The following ANO2 variants were observed in gnomAD, a reference collection of about 807,000 sequenced individuals.
ANO2 encodes the protein anoctamin 2, also known as anoctamin-2.
In ANO2, 101 loss-of-function variants were observed where a neutral mutation model predicts 124.2. That is an observed-to-expected ratio of 0.81 (90% CI 0.69 to 0.96). The LOEUF is 0.96. Ranked by LOEUF, ANO2 falls within the 40% of genes least tolerant of loss-of-function variation. The pLI, the probability that ANO2 is intolerant of heterozygous loss-of-function variation, is 0.00. For missense variants in ANO2, 1,293 were observed against 1,274.5 expected (o/e 1.01, Z -0.22); for synonymous variants, 486 against 482.5 (o/e 1.01, Z -0.09).
At chr12:5,651,398 G>A (rs1946908104) in intron 14 of ANO2, among the ~76,000 whole-genome samples, 1 of 150,746 alleles carries the variant, frequency 6.6e-6, no homozygotes, top group African/African-American at 2.4e-5. Context: ...TCCTTGAGTT[G>A]TTTTCTTCTT....
In ANO2 at chr12:5,635,446, T is replaced by C. The variant is rs1945964879; in HGVS notation, c.1621-99A>G. On this transcript the variant is annotated intron_variant, in intron 15 of 24. Transcript: ENST00000682330. This position sits in a 1 kb window ranked among gnomAD's most constrained non-coding sequence, Gnocchi z 5.2. ...TACCATTTGCTGTTATCAGATATTA[T>C]TAATCTGGAATCTTTTGTTGGGTAA... 6 of 951,444 alleles carry C rather than the reference T, an allele frequency of 6.3e-6. No homozygotes were observed. Among genetic ancestry groups the C allele is most frequent in the African/African-American group, 1.7e-5 (1 of 59,382 alleles). 58.9% of individuals were successfully genotyped at this position (951,444 alleles called of 1,614,324 possible).
chr12:5,883,502 G>GGTGTGTGTGTGT lies in ANO2; in HGVS notation c.535-29373_535-29362dup, dbSNP rs5796191. Among the ~76,000 whole-genome samples the GGTGTGTGTGTGT allele has an allele frequency of 7.2e-3, 1,047 of 144,674 alleles. 14 individuals are homozygous for GGTGTGTGTGTGT. The highest frequency in any genetic ancestry group is 0.026 in the African/African-American group (996 of 38,532). The allele number at this position is 144,674 out of a possible 152,430, so 94.9% of individuals were successfully genotyped here. On this transcript the variant is annotated intron_variant, in intron 3 of 24. Transcript: ENST00000682330. ...ATGTGTGCGTGTTTGACATTAGGGT[G>GGTGTGTGTGTGT]GTGTGTGTGTGTGTGTGTGTGTGTG...
chr12:5,568,917 G>A (rs1004462031), intron 23 of ANO2, among the ~76,000 whole-genome samples: 1 of 152,230 alleles, frequency 6.6e-6, no homozygotes, highest in Non-Finnish European at 1.5e-5. Flanking sequence ...TGAAGACGGA[G>A]GGTCAACGCC....
At chr12:5,644,196 T>C (rs1407772484) in intron 15 of ANO2, among the ~76,000 whole-genome samples, 2 of 152,246 alleles carry the variant, frequency 1.3e-5, no homozygotes, top group African/African-American at 4.8e-5. Flanking sequence ...TTGATGTTTT[T>C]GAGTGGTGTG....
chr12:5,715,901 C>A (rs890956300), intron 14 of ANO2, among the ~76,000 whole-genome samples: 4 of 152,122 alleles, frequency 2.6e-5, no homozygotes, highest in Non-Finnish European at 5.9e-5. Flanking sequence ...ACATGTTTAA[C>A]CATTGGGTAA....
At chr12:5,585,062 C>T (rs1290075608) in intron 20 of ANO2, among the ~76,000 whole-genome samples, 10 of 151,962 alleles carry the variant, frequency 6.6e-5, no homozygotes, top group Non-Finnish European at 1.0e-4. Flanking sequence ...AACAAAATGC[C>T]AGCATTAACA....
At chr12:5,633,560 A>G (rs1003500605) in intron 16 of ANO2, among the ~76,000 whole-genome samples, 2 of 151,350 alleles carry the variant, frequency 1.3e-5, no homozygotes, top group African/African-American at 4.8e-5. Context: ...CTGGCATTTT[A>G]GATTTTCCAT....
chr12:5,607,083 C>T (rs917600689), intron 19 of ANO2, among the ~76,000 whole-genome samples: 14 of 150,904 alleles, frequency 9.3e-5, no homozygotes, highest in African/African-American at 3.4e-4. Flanking sequence ...AAAAACAAAT[C>T]TGGCCTTTAA....
intron 3 of ANO2, among the ~76,000 whole-genome samples, chr12:5,906,382 C>T (rs976110751): frequency 1.3e-5 from 2 of 151,538 alleles, no homozygotes; most frequent in Non-Finnish European, 2.9e-5. Context: ...AAAAAAGAGG[C>T]CATCCATGGT....
intron 3 of ANO2, among the ~76,000 whole-genome samples, chr12:5,887,828 G>GTT (rs368427647): frequency 6.8e-6 from 1 of 148,052 alleles, no homozygotes; most frequent in East Asian, 2.0e-4. Flanking sequence ...ATGCCCCCCG[G>GTT]TTTTTTTTTT....
In ANO2 at chr12:5,635,177, A is replaced by G; in HGVS notation, c.1791T>C (p.Ala597=). The G allele has an allele frequency of 6.3e-7, 1 of 1,591,542 alleles. No individual in the cohort carries two copies. The highest frequency in any genetic ancestry group is 8.5e-7 in the Non-Finnish European group (1 of 1,171,970). Residue 597 remains alanine, a synonymous_variant, in exon 16 of 25, where the codon GCT becomes GCC. Coordinates refer to ENST00000682330, the MANE Select transcript of ANO2 (RefSeq NM_001364791.2). The surrounding 1 kb of genome is among the most constrained non-coding windows in gnomAD (Gnocchi z 5.2). The part of the protein sequence containing the change: ...VILILDEIYG[A]VAKWLTKIEV... ...CAATTTTGGTGAGCCACTTGGCCAC[A>G]GCGCCGTAGATCTCGTCCAGGATGA...
At chr12:5,680,501 C>G (rs1591887990) in intron 14 of ANO2, among the ~76,000 whole-genome samples, 1 of 152,154 alleles carries the variant, frequency 6.6e-6, no homozygotes, top group African/African-American at 2.4e-5. Flanking sequence ...AGAACGGCTG[C>G]CTTCAAACAT....
intron 3 of ANO2, among the ~76,000 whole-genome samples, chr12:5,867,942 G>A (rs1395870506): frequency 1.3e-5 from 2 of 152,244 alleles, no homozygotes; most frequent in African/African-American, 4.8e-5. Flanking sequence ...GGCAGGAAGT[G>A]GGAATGGTTA....
rs138676730 is a variant in ANO2, at chr12:5,869,014, G to T, written c.535-14873C>A. ...GAAACATAGACCCTGGAGGGGAAGG[G>T]GAAGCTGGAAAAAGGCAGAGGTGAT... On this transcript the variant is annotated intron_variant, in intron 3 of 24. Coordinates refer to ENST00000682330, the MANE Select transcript of ANO2 (RefSeq NM_001364791.2). Among the ~76,000 whole-genome samples the T allele has an allele frequency of 2.6e-4, 40 of 152,278 alleles. 1 individual carries two copies. Among genetic ancestry groups the T allele is most frequent in the African/African-American group, 8.7e-4 (36 of 41,564 alleles).
intron 1 of ANO2, among the ~76,000 whole-genome samples, chr12:5,930,752 C>T (rs895445246): frequency 1.3e-5 from 2 of 152,290 alleles, no homozygotes; most frequent in Admixed American, 1.3e-4. Context: ...GGCCCAATGG[C>T]CCTCCTGATT....
chr12:5,581,785 T>C (rs1297056089), intron 20 of ANO2, among the ~76,000 whole-genome samples: 1 of 152,202 alleles, frequency 6.6e-6, no homozygotes, highest in Admixed American at 6.5e-5. Flanking sequence ...AAGATCCTCC[T>C]GTCCCCTCCT....
chr12:5,724,868 C>T (rs1310593749), intron 14 of ANO2, among the ~76,000 whole-genome samples: 1 of 151,084 alleles, frequency 6.6e-6, no homozygotes, highest in African/African-American at 2.5e-5. Context: ...AAGAATCTCC[C>T]AGGACTAGTT....
intron 10 of ANO2, among the ~76,000 whole-genome samples, chr12:5,755,864 T>C (rs1951567169): frequency 6.6e-6 from 1 of 152,220 alleles, no homozygotes; most frequent in Non-Finnish European, 1.5e-5. Flanking sequence ...TTGGGTACAT[T>C]GAGACTTCAT....
At chr12:5,732,441 C>T in intron 14 of ANO2, 79 bp downstream of exon 14, 1 of 1,252,138 alleles carries the variant, frequency 8.0e-7, no homozygotes, top group Non-Finnish European at 1.1e-6. Context: ...AGTCTCCCTT[C>T]ACTAAGGCGT....
Sources: allele counts gnomAD v4.1 joint callset (sites outside exome capture counted in the v4.1 genomes callset), GRCh38; gene constraint gnomAD v4.1.1; non-coding constraint Gnocchi (gnomAD v3.1); transcripts MANE v1.5; gene names NCBI Gene and HGNC (gene_info 2026-07-23, HGNC 2026-07-21).